Variants in NCAPH observed in about 807,000 individuals in gnomAD.
NCAPH encodes condensin complex subunit 2.
NCAPH carries 38 observed loss-of-function variants against 85.5 expected under a neutral mutation model. The ratio of observed to expected loss-of-function variants is 0.44; its 90% confidence interval spans 0.34 to 0.58. NCAPH has a LOEUF of 0.58. Among genes scored for constraint, NCAPH ranks in the 20% least tolerant of loss-of-function variants. The probability of loss-of-function intolerance (pLI) is 0.01; values close to 1 mark genes in which losing one functional copy is unlikely to be tolerated. For missense variants in NCAPH, 789 were observed against 916.6 expected, an observed-to-expected ratio of 0.86 and a Z score of 1.80; for synonymous variants, 301 against 335.1, an observed-to-expected ratio of 0.90 and a Z score of 1.11.
chr2:96,360,489 C>G, intron 11 of NCAPH, 99 bp from the exon 12 acceptor site: 1 of 1,372,570 alleles, frequency 7.3e-7, no homozygotes, highest in Non-Finnish European at 1.0e-6. Context: ...TGATGGTAGA[C>G]TCATGCTGCC....
Position 96,369,441 on chromosome 2 carries a change from G to A in NCAPH, c.2107G>A (p.Ala703Thr), listed in dbSNP as rs773805715. The change falls in exon 17 of 18, where the codon GCT (alanine) becomes ACT (threonine). Residue 703 changes from alanine to threonine, a missense_variant. Coordinates refer to ENST00000240423, the MANE Select transcript of NCAPH (RefSeq NM_015341.5). ...TCTTTCCAGCCTGCCCCCTGTCATGGCTCAGAACCTCTCCATACCTCTGGC... is the reference window on the plus strand; with the variant it reads ...TCTTTCCAGCCTGCCCCCTGTCATGACTCAGAACCTCTCCATACCTCTGGC... ...DLQRSLPPVM[A>T]QNLSIPLAFA... 3.7e-6 allele frequency: 6 copies of A among 1,614,052 alleles called. No homozygotes were observed. The highest frequency in any genetic ancestry group is 5.1e-6 in the Non-Finnish European group (6 of 1,179,972).
chr2:96,343,972 G>A, intron 5 of NCAPH, 133 bp from the exon 6 acceptor site: 2 of 1,168,546 alleles, frequency 1.7e-6, no homozygotes, highest in Non-Finnish European at 2.4e-6. Context: ...AAAGCGCTAG[G>A]ATTACAGGCA....
chr2:96,341,011 T>C (rs550484735), intron 1 of NCAPH, among the ~76,000 whole-genome samples: 3 of 152,172 alleles, frequency 2.0e-5, no homozygotes, highest in Non-Finnish European at 4.4e-5. Flanking sequence ...GAATTTCACA[T>C]TGTGTCACAT....
chr2:96,350,816 C>G (rs568195827), intron 6 of NCAPH, among the ~76,000 whole-genome samples: 2 of 152,160 alleles, frequency 1.3e-5, no homozygotes. Context: ...ATAGTAGCCA[C>G]GTTCTGAGGC....
At position 96,367,340 on chromosome 2, in the gene NCAPH, G is replaced by A. The variant is rs1251919143; in HGVS notation, c.1965G>A (p.Leu655=). ...KKLKQSMWSL[L]TALSGKEADA... ...TGAAGCAGAGCATGTGGAGTCTGCT[G>A]ACAGCGCTCTCCGGAAAGGAGGCAG... The change falls in exon 15 of 18, where the codon CTG becomes CTA. Residue 655 remains leucine, a synonymous_variant. Transcript: ENST00000240423. 1 of 1,613,628 alleles carries A rather than the reference G, an allele frequency of 6.2e-7. No individual in the cohort carries two copies. Among genetic ancestry groups the A allele is most frequent in the South Asian group, 1.1e-5 (1 of 91,048 alleles).
Position 96,354,312 on chromosome 2 carries a change from G to C in NCAPH, c.1132G>C (p.Glu378Gln), listed in dbSNP as rs747097579. 1.5e-5 allele frequency: 25 copies of C among 1,613,962 alleles called. No homozygotes were observed. The Admixed American group carries it at 3.8e-4, about 25-fold the overall frequency. Residue 378 changes from glutamate to glutamine, a missense_variant, in exon 9 of 18, where the codon GAA becomes CAA. Transcript: ENST00000240423. ...SLGDDFDANDEPDHTAVGDHE... is the reference protein window; with the variant it reads ...SLGDDFDANDQPDHTAVGDHE... The stretch of plus-strand genomic sequence containing the variant: ...GGGGGATGACTTTGATGCCAACGAT[G>C]AACCTGACCACACCGCAGTTGGGGA...
chr2:96,360,447 C>T (rs2064590023), intron 11 of NCAPH, 141 bp from the exon 12 acceptor site: 5 of 1,055,334 alleles, frequency 4.7e-6, no homozygotes, highest in Non-Finnish European at 6.9e-6. Flanking sequence ...ATAATGCTAG[C>T]AAAATCACTT....
At position 96,373,505 on chromosome 2, in the gene NCAPH, A is replaced by C. The variant is rs1042049771; in HGVS notation, c.*154A>C. Reference sequence around the variant, plus strand: ...TGTTTGTTGCTCTTTCCTTCTCTCCATCATAGTCTGGGTGCCAGCGCCCTG... The same window carrying C: ...TGTTTGTTGCTCTTTCCTTCTCTCCCTCATAGTCTGGGTGCCAGCGCCCTG... On this transcript the variant is annotated 3_prime_UTR_variant, in exon 18 of 18. Transcript: ENST00000240423. 1.4e-6 allele frequency: 1 copy of C among 694,748 alleles called. No homozygotes were observed. Among genetic ancestry groups the C allele is most frequent in the Non-Finnish European group, 2.5e-6 (1 of 404,394 alleles). 43.0% of individuals were successfully genotyped at this position (694,748 alleles called of 1,614,324 possible).
intron 6 of NCAPH, among the ~76,000 whole-genome samples, chr2:96,350,001 G>A (rs1438920813): frequency 2.6e-5 from 4 of 152,248 alleles, no homozygotes; most frequent in Admixed American, 6.5e-5. Flanking sequence ...ATTCTAAGCA[G>A]AGGTGTAAAA....
intron 17 of NCAPH, among the ~76,000 whole-genome samples, chr2:96,372,368 G>A (rs1265045279): frequency 1.3e-5 from 2 of 152,200 alleles, no homozygotes; most frequent in Admixed American, 1.3e-4. Flanking sequence ...TTCCATGGAT[G>A]GGGCATTGGG....
chr2:96,356,397 G>C (rs1446451933), intron 9 of NCAPH, among the ~76,000 whole-genome samples: 1 of 152,028 alleles, frequency 6.6e-6, no homozygotes, highest in Non-Finnish European at 1.5e-5. Context: ...TGCAAGGTTG[G>C]GACCAGTTGA....
intron 1 of NCAPH, among the ~76,000 whole-genome samples, chr2:96,339,536 AGCTGAGATCCCGTC>A (rs2064262748): frequency 1.3e-5 from 2 of 150,604 alleles, no homozygotes; most frequent in Non-Finnish European, 2.9e-5. Flanking sequence ...AGTTGCAATG[AGCTGAGATCCCGTC>A]ACTGCACTCC....
At position 96,335,848 on chromosome 2, in the gene NCAPH, G is replaced by C. The variant is rs776226055; in HGVS notation, c.19G>C (p.Ala7Pro). The change falls in exon 1 of 18, where the codon GCA becomes CCA. Residue 7 changes from alanine (A) to proline (P), a missense_variant and splice_region_variant. Transcript: ENST00000240423. MGPPGPALPATMNNSSS... is the reference protein window; with the variant it reads MGPPGPPLPATMNNSSS... ...AGGAAAGATGGGACCTCCCGGCCCA[G>C]GTGAGCCGGGCGGTCGGGAGGCGCG... 1 of 1,491,738 alleles carries C rather than the reference G, an allele frequency of 6.7e-7. No homozygotes were observed. Among genetic ancestry groups the C allele is most frequent in the Admixed American group, 2.5e-5 (1 of 39,254 alleles). The allele number at this position is 1,491,738 out of a possible 1,614,324, so 92.4% of individuals were successfully genotyped here. A position where few individuals can be genotyped will look rare whatever the true frequency, so the allele number is the denominator to read the frequency against.
intron 7 of NCAPH, among the ~76,000 whole-genome samples, 176 bp from the exon 8 acceptor site, chr2:96,353,130 G>A (rs1309516329): frequency 6.6e-6 from 1 of 152,234 alleles, no homozygotes; most frequent in African/African-American, 2.4e-5. Context: ...TCCCAGAAGA[G>A]GCAGGGACAC....
chr2:96,377,045 A>G lies in NCAPH; in HGVS notation c.*3694A>G, dbSNP rs779490290. ...TACCCCATAAATATATGCACCTACT[A>G]TGTACCCACAACTATTTAAAAAATA... On this transcript the variant is annotated 3_prime_UTR_variant, in exon 18 of 18. Transcript: ENST00000240423. 1.3e-5 allele frequency among the ~76,000 whole-genome samples: 2 copies of G among 151,108 alleles called. No individual in the cohort carries two copies. Among genetic ancestry groups the G allele is most frequent in the South Asian group, 2.1e-4 (1 of 4,792 alleles).
At chr2:96,342,292 C>T (rs1364336506) in intron 3 of NCAPH, 152 bp downstream of exon 3, 8 of 745,758 alleles carry the variant, frequency 1.1e-5, no homozygotes, top group African/African-American at 7.0e-5. Context: ...ACTCTGGACC[C>T]GTGGTGCACC....
At chr2:96,367,484 C>T (rs1322207318) in intron 15 of NCAPH, 111 bp downstream of exon 15, 8 of 721,470 alleles carry the variant, frequency 1.1e-5, no homozygotes, top group Middle Eastern at 2.5e-4. Flanking sequence ...CAGAAATGTT[C>T]GTTCAAAAAT....
Position 96,351,947 on chromosome 2 carries a change from T to G in NCAPH, c.837T>G (p.Asp279Glu), listed in dbSNP as rs757087984. Reference protein sequence around the residue: ...DYRSELLFPSDVQTLSTGEPL... With the variant: ...DYRSELLFPSEVQTLSTGEPL... ...GAAGTGAACTGCTGTTTCCCTCTGA[T>G]GTCCAGACTCTCTCCACGGGAGAAC... Residue 279 changes from aspartate to glutamate, a missense_variant, in exon 7 of 18, where the codon GAT becomes GAG. By Grantham distance (45) the Asp-to-Glu change is conservative. Transcript: ENST00000240423. 4.3e-6 allele frequency: 7 copies of G among 1,614,110 alleles called. No individual in the cohort carries two copies. In the South Asian group the frequency reaches 5.5e-5, roughly 13 times the overall value.
At chr2:96,365,795 G>C in intron 13 of NCAPH, 81 bp from the exon 14 acceptor site, 1 of 1,407,896 alleles carries the variant, frequency 7.1e-7, no homozygotes, top group Middle Eastern at 1.9e-4. Context: ...TTCTTGCTTT[G>C]TAAACATGGA....
Sources: gnomAD v4.1 joint callset for allele counts (sites outside exome capture counted in the v4.1 genomes callset) on GRCh38, gnomAD v4.1.1 for gene constraint, MANE v1.5 for transcripts, NCBI Gene and HGNC (gene_info 2026-07-23, HGNC 2026-07-21) for gene names.